Variants in KCNH5 observed in about 807,000 individuals in gnomAD.
The protein encoded by KCNH5 is potassium voltage-gated channel subfamily H member 5.
In KCNH5, 46 loss-of-function variants were observed where a neutral mutation model predicts 96.1. The observed-to-expected ratio is 0.48, with a 90% CI of 0.38 to 0.61. The LOEUF is 0.61. Ranked by LOEUF, KCNH5 falls within the 20% of genes least tolerant of loss-of-function variation. KCNH5 has a pLI of 0.00. For synonymous variants in KCNH5, 439 were observed against 449.8 expected (o/e 0.98, Z 0.30); for missense variants, 907 against 1,225.8 (o/e 0.74, Z 3.88).
At chr14:62,788,275 T>C (rs1886360886) in intron 9 of KCNH5, among the ~76,000 whole-genome samples, 1 of 152,162 alleles carries the variant, frequency 6.6e-6, no homozygotes. Context: ...ACTGCAGATG[T>C]AGAAACGGCA....
rs1471647055 is a variant in KCNH5, at chr14:62,950,119, A to C, written c.1369+14T>G. 7 of 1,611,800 alleles carry C rather than the reference A, an allele frequency of 4.3e-6. No individual in the cohort carries two copies. Among genetic ancestry groups the C allele is most frequent in the Non-Finnish European group, 5.1e-6 (6 of 1,178,744 alleles). On this transcript the variant is annotated intron_variant, in intron 7 of 10. Transcript: ENST00000322893. ...AATAACAATAATTTTCAATGAAAAA[A>C]TTAAAATACTTACAGCCAACCATCA...
chr14:62,974,607 A>G (rs1043639452), intron 6 of KCNH5, among the ~76,000 whole-genome samples: 18 of 152,210 alleles, frequency 1.2e-4, no homozygotes, highest in Non-Finnish European at 1.2e-4. Context: ...AACTACCTTC[A>G]GAGAGCGTGT....
intron 7 of KCNH5, among the ~76,000 whole-genome samples, chr14:62,876,554 A>G (rs547775878): frequency 2.0e-5 from 3 of 152,360 alleles, no homozygotes; most frequent in Non-Finnish European, 4.4e-5. Context: ...TCTATACACT[A>G]CCAACAAATA....
At chr14:62,761,356 CAAAA>C (rs5809168) in intron 10 of KCNH5, among the ~76,000 whole-genome samples, 6 of 127,412 alleles carry the variant, frequency 4.7e-5, no homozygotes, top group Admixed American at 7.9e-5. Context: ...CTCACTCTCT[CAAAA>C]AAAAAAAAAA....
rs1417279044 is a variant in KCNH5 at position 63,045,191 on chromosome 14, G to A, written c.-5C>T. On this transcript the variant is annotated 5_prime_UTR_variant, in exon 1 of 11. Transcript: ENST00000322893. ...CCCTCTCTTGCCCCCCGGCATCCTG[G>A]GTCTGGAGAGCAGCGGCCAGGATCC... The A allele has an allele frequency of 6.2e-7, 1 of 1,612,888 alleles. No homozygotes were observed. Among genetic ancestry groups the A allele is most frequent in the Non-Finnish European group, 8.5e-7 (1 of 1,179,766 alleles).
chr14:62,998,114 C>A (rs1890944257), intron 4 of KCNH5, among the ~76,000 whole-genome samples: 1 of 151,846 alleles, frequency 6.6e-6, no homozygotes, highest in Non-Finnish European at 1.5e-5. Flanking sequence ...TGCATCTGGT[C>A]TTTTCTTGGT....
chr14:62,971,650 A>AAAAT (rs1890410225), intron 6 of KCNH5, among the ~76,000 whole-genome samples: 1 of 124,120 alleles, frequency 8.1e-6, no homozygotes, highest in East Asian at 2.1e-4. Flanking sequence ...TATTGGAGAA[A>AAAAT]AAATAGACAA....
Position 63,006,440 on chromosome 14 carries a change from G to T in KCNH5, c.230C>A (p.Thr77Asn). 1 of 1,611,866 alleles carries T rather than the reference G, an allele frequency of 6.2e-7. No homozygotes were observed. Among genetic ancestry groups the T allele is most frequent in the Non-Finnish European group, 8.5e-7 (1 of 1,178,446 alleles). Reference sequence around the variant, plus strand: ...AAAAGTTTGCCTGACTTTCTCAATGGTCTTCTTGTCAGTCAATTCCCCATA... The same window carrying T: ...AAAAGTTTGCCTGACTTTCTCAATGTTCTTCTTGTCAGTCAATTCCCCATA... The part of the protein sequence containing the change: ...FMYGELTDKK[T>N]IEKVRQTFDN... The change falls in exon 3 of 11, where the codon ACC becomes AAC. Residue 77 changes from threonine to asparagine, a missense_variant. By Grantham distance (65) the Thr-to-Asn change is moderately conservative. This residue lies in a region of KCNH5 where 370 missense variants were observed against 561.3 expected (regional missense o/e 0.66). Transcript: ENST00000322893.
rs753525158 is a variant in KCNH5 at position 62,707,585 on chromosome 14, G to T, written c.2890C>A (p.Gln964Lys). 2.0e-5 allele frequency: 30 copies of T among 1,528,044 alleles called. No homozygotes were observed. The highest frequency in any genetic ancestry group is 1.8e-4 in the Middle Eastern group (1 of 5,646). The allele number at this position is 1,528,044 out of a possible 1,614,324, so 94.7% of individuals were successfully genotyped here. The change falls in exon 11 of 11, where the codon CAG becomes AAG. Residue 964 changes from glutamine to lysine, a missense_variant. Transcript: ENST00000322893. ...CTAAAAATATCCTGACATGGTATCT[G>T]GGGGGGTACTTGGAGTGGCATTTGG... is the stretch of plus-strand genomic sequence containing the variant. The part of the protein sequence containing the change: ...KSQMPLQVPP[Q>K]IPCQDIFSVS...
At chr14:62,862,849 G>T (rs1448397367) in intron 7 of KCNH5, among the ~76,000 whole-genome samples, 1 of 152,160 alleles carries the variant, frequency 6.6e-6, no homozygotes, top group African/African-American at 2.4e-5. Flanking sequence ...AGAACCAATT[G>T]CTCAGTCAAC....
intron 6 of KCNH5, among the ~76,000 whole-genome samples, chr14:62,961,826 A>G (rs1458372597): frequency 6.6e-6 from 1 of 151,838 alleles, no homozygotes; most frequent in Non-Finnish European, 1.5e-5. Flanking sequence ...GGAGATGCAG[A>G]TAGAGATGGA....
intron 8 of KCNH5, among the ~76,000 whole-genome samples, chr14:62,835,857 T>G (rs1200230832): frequency 1.3e-5 from 2 of 152,070 alleles, no homozygotes; most frequent in Non-Finnish European, 2.9e-5. Flanking sequence ...TTTCAATTTT[T>G]TATGATTGCC....
At chr14:62,891,426 G>A (rs1480869744) in intron 7 of KCNH5, among the ~76,000 whole-genome samples, 3 of 152,118 alleles carry the variant, frequency 2.0e-5, no homozygotes, top group Admixed American at 2.0e-4. Flanking sequence ...TGGGAGGAGG[G>A]AGAGGAGCAT....
intron 7 of KCNH5, among the ~76,000 whole-genome samples, chr14:62,875,081 C>G (rs1184499862): frequency 1.5e-5 from 2 of 131,822 alleles, no homozygotes; most frequent in Admixed American, 8.1e-5. Flanking sequence ...TGAGTGAACT[C>G]CCATTCACAA....
intron 1 of KCNH5, among the ~76,000 whole-genome samples, chr14:63,036,650 A>T (rs1891727556): frequency 6.6e-6 from 1 of 152,158 alleles, no homozygotes; most frequent in Non-Finnish European, 1.5e-5. Flanking sequence ...ATAAAGTTTA[A>T]ATTATGGCAG....
chr14:62,791,143 T>C (rs1332979468), intron 9 of KCNH5, among the ~76,000 whole-genome samples: 1 of 151,690 alleles, frequency 6.6e-6, no homozygotes, highest in Non-Finnish European at 1.5e-5. Flanking sequence ...ATGGAGTTCT[T>C]CAACTGGAAA....
At chr14:62,813,800 G>A (rs1886919301) in intron 8 of KCNH5, among the ~76,000 whole-genome samples, 1 of 152,142 alleles carries the variant, frequency 6.6e-6, no homozygotes, top group Admixed American at 6.6e-5. Flanking sequence ...TCCTTCCTGG[G>A]AATGAGGAGC....
chr14:62,844,072 T>A (rs146564324), intron 8 of KCNH5, among the ~76,000 whole-genome samples: 19 of 152,312 alleles, frequency 1.2e-4, no homozygotes, highest in African/African-American at 4.3e-4. Flanking sequence ...TTCAATTTGT[T>A]TAAATTCTAA....
At chr14:62,918,254 C>T (rs1464386807) in intron 7 of KCNH5, among the ~76,000 whole-genome samples, 1 of 152,108 alleles carries the variant, frequency 6.6e-6, no homozygotes, top group Non-Finnish European at 1.5e-5. Flanking sequence ...CATATCCTGG[C>T]TCTGGGTCCC....
Sources: gnomAD v4.1 joint callset for allele counts (sites outside exome capture counted in the v4.1 genomes callset) on GRCh38, gnomAD v4.1.1 for gene constraint, gnomAD v4.1.1 regional missense constraint, MANE v1.5 for transcripts, NCBI Gene and HGNC (gene_info 2026-07-23, HGNC 2026-07-21) for gene names.